DSC2: variants seen among roughly 807,000 people sequenced by gnomAD.
The protein encoded by DSC2 is desmocollin 2.
Under a neutral mutation model 87.6 loss-of-function variants are expected in DSC2, and 51 were observed. The observed-to-expected ratio is 0.58, with a 90% CI of 0.46 to 0.74. The LOEUF is 0.74. Ranked by LOEUF, DSC2 falls within the 30% of genes least tolerant of loss-of-function variation. The pLI is 0.00. For synonymous variants in DSC2, 383 were observed against 393.2 expected (o/e 0.97, Z 0.31); for missense variants, 1,066 against 1,089.5 (o/e 0.98, Z 0.30).
chr18:31,073,954 T>C (rs1470825563), intron 12 of DSC2, among the ~76,000 whole-genome samples: 1 of 152,208 alleles, frequency 6.6e-6, no homozygotes, highest in Non-Finnish European at 1.5e-5. Context: ...CTGTGGTGTA[T>C]ATCTGATCCC....
At chr18:31,080,406 T>C in intron 9 of DSC2, 54 bp from the exon 10 acceptor site, 1 of 1,593,726 alleles carries the variant, frequency 6.3e-7, no homozygotes, top group Non-Finnish European at 8.6e-7. Flanking sequence ...TATTTGGCAA[T>C]GCTAACGAGT....
chr18:31,082,943 TTGGCAAG>T lies in DSC2; in HGVS notation c.1053_1059del (p.His351GlnfsTer9), dbSNP rs1373100329. The T allele has an allele frequency of 6.2e-7, 1 of 1,613,520 alleles. No individual in the cohort carries two copies. Among genetic ancestry groups the T allele is most frequent in the Non-Finnish European group, 8.5e-7 (1 of 1,179,930 alleles). The stretch of plus-strand genomic sequence containing the variant: ...ACACTTACAGAAGTACGAGTAAATG[TTGGCAAG>T]TGGTCATTTACATCATCAATGTTAA... On this transcript the variant is annotated frameshift_variant, in exon 8 of 16. Coordinates refer to ENST00000280904, the MANE Select transcript of DSC2 (RefSeq NM_024422.6). LOFTEE classifies it high-confidence loss of function.
chr18:31,083,126 T>C, intron 7 of DSC2, 66 bp from the exon 8 acceptor site: 3 of 1,553,968 alleles, frequency 1.9e-6, no homozygotes, highest in Non-Finnish European at 2.6e-6. Flanking sequence ...AATCTTACTT[T>C]ACACTCCATA....
Position 31,074,682 on chromosome 18 carries a change from C to A in DSC2, c.1888+1G>T. On this transcript the variant is annotated splice_donor_variant, in intron 12 of 15. Transcript: ENST00000280904. LOFTEE classifies it high-confidence loss of function. ...ACAAAGCAATTTTCAAAAATATATACCATTAATTGCTTTCAGTCTCCACAT... is the reference window on the plus strand; with the variant it reads ...ACAAAGCAATTTTCAAAAATATATAACATTAATTGCTTTCAGTCTCCACAT... 2.5e-6 allele frequency: 4 copies of A among 1,613,128 alleles called. No homozygotes were observed. Among genetic ancestry groups the A allele is most frequent in the Non-Finnish European group, 3.4e-6 (4 of 1,179,582 alleles).
rs1986468067 is a variant in DSC2 at position 31,059,869 on chromosome 18, G to T, written c.*8146C>A. The stretch of plus-strand genomic sequence containing the variant: ...TATTCCATCATCATATCACAATAGT[G>T]ATAGCTGCTGGTTATTGATATACTG... On this transcript the variant is annotated 3_prime_UTR_variant, in exon 16 of 16. Coordinates refer to ENST00000280904, the MANE Select transcript of DSC2 (RefSeq NM_024422.6). 6.6e-6 allele frequency: 1 copy of T among 152,156 alleles called. No homozygotes were observed. The highest frequency in any genetic ancestry group is 2.1e-4 in the South Asian group (1 of 4,830). 9.4% of individuals were successfully genotyped at this position (152,156 alleles called of 1,614,324 possible).
At chr18:31,101,584 C>T (rs1987957664) in intron 1 of DSC2, 5 of 336,454 alleles carry the variant, frequency 1.5e-5, no homozygotes, top group Admixed American at 5.2e-5. Flanking sequence ...ACTCCCGCCC[C>T]GGCGCACCCT....
chr18:31,067,764 G>T lies in DSC2; in HGVS notation c.*251C>A. The T allele has an allele frequency of 2.3e-6, 1 of 441,908 alleles. No individual in the cohort carries two copies. The highest frequency in any genetic ancestry group is 4.1e-6 in the Non-Finnish European group (1 of 245,074). 27.4% of individuals were successfully genotyped at this position (441,908 alleles called of 1,614,324 possible). A position where few individuals can be genotyped will look rare whatever the true frequency, so the allele number is the denominator to read the frequency against. On this transcript the variant is annotated 3_prime_UTR_variant, in exon 16 of 16. Coordinates refer to ENST00000280904, the MANE Select transcript of DSC2 (RefSeq NM_024422.6). The stretch of plus-strand genomic sequence containing the variant: ...CATTATACCCAAATGTAACAAATAA[G>T]GCAGACTTTAATTTCTCTGTAGACC...
intron 1 of DSC2, among the ~76,000 whole-genome samples, chr18:31,099,348 G>T (rs1406335359): frequency 6.6e-6 from 1 of 152,144 alleles, no homozygotes; most frequent in Non-Finnish European, 1.5e-5. Context: ...CCAGGTGACG[G>T]AGGTTAGGGG....
In DSC2 at chr18:31,086,683, G is replaced by A. The variant is rs193922708; in HGVS notation, c.835C>T (p.Arg279Cys). ...TGCCCAATGATGGAGTACTTCAGGC[G>A]TGTGTGCATCGTGTCAGGCTCATCT... ...DKDEPDTMHTRLKYSIIGQVP... is the reference protein window; with the variant it reads ...DKDEPDTMHTCLKYSIIGQVP... Residue 279 changes from arginine (R) to cysteine (C), a missense_variant, in exon 7 of 16, where the codon CGC becomes TGC. Coordinates refer to ENST00000280904, the MANE Select transcript of DSC2 (RefSeq NM_024422.6). 1.9e-5 allele frequency: 31 copies of A among 1,614,148 alleles called. No individual in the cohort carries two copies. The highest frequency in any genetic ancestry group is 3.3e-5 in the South Asian group (3 of 91,084).
chr18:31,093,063 G>T (rs993544298), intron 2 of DSC2, among the ~76,000 whole-genome samples: 1 of 151,954 alleles, frequency 6.6e-6, no homozygotes, highest in Non-Finnish European at 1.5e-5. Flanking sequence ...TTTATCTACT[G>T]GTCCCAACAG....
intron 2 of DSC2, among the ~76,000 whole-genome samples, chr18:31,093,008 A>C (rs1987651432): frequency 6.6e-6 from 1 of 152,226 alleles, no homozygotes; most frequent in Non-Finnish European, 1.5e-5. Flanking sequence ...TCCTTTCATT[A>C]GAATGACACC....
intron 11 of DSC2, among the ~76,000 whole-genome samples, chr18:31,079,317 G>A (rs371771943): frequency 4.6e-5 from 7 of 152,056 alleles, no homozygotes; most frequent in African/African-American, 1.7e-4. Context: ...GCAGTGGCGC[G>A]ATCTTGGCTA....
chr18:31,099,721 T>G (rs1987874796), intron 1 of DSC2, among the ~76,000 whole-genome samples: 1 of 152,170 alleles, frequency 6.6e-6, no homozygotes. Context: ...TATTAGTGGT[T>G]AGCAGAAGAC....
intron 5 of DSC2, 38 bp downstream of exon 5, chr18:31,089,401 C>T (rs761274865): frequency 4.3e-6 from 7 of 1,611,760 alleles, no homozygotes; most frequent in Admixed American, 1.7e-5. Context: ...GGCCAAGCAT[C>T]ATCATTGCTA....
chr18:31,089,444 A>G lies in DSC2; in HGVS notation c.625T>C (p.Phe209Leu). 1.9e-6 allele frequency: 3 copies of G among 1,613,772 alleles called. No individual in the cohort carries two copies. The highest frequency in any genetic ancestry group is 2.5e-6 in the Non-Finnish European group (3 of 1,179,844). ...RPVDREQYESFEIIAFATTPD... is the reference protein window; with the variant it reads ...RPVDREQYESLEIIAFATTPD... ...ACACACATTTTAGACTTTACCTCAAAAGATTCATACTGCTCACGATCTACA... is the reference window on the plus strand; with the variant it reads ...ACACACATTTTAGACTTTACCTCAAGAGATTCATACTGCTCACGATCTACA... The change falls in exon 5 of 16, where the codon TTT becomes CTT. Residue 209 changes from phenylalanine to leucine, a missense_variant. By Grantham distance (22) the Phe-to-Leu change is conservative (BLOSUM62 0). Coordinates refer to ENST00000280904, the MANE Select transcript of DSC2 (RefSeq NM_024422.6).
Position 31,101,550 on chromosome 18 carries a change from C to G in DSC2, c.69+353G>C, listed in dbSNP as rs1987954910. 1.1e-5 allele frequency: 3 copies of G among 264,898 alleles called. No individual in the cohort carries two copies. In the East Asian group the frequency reaches 2.7e-4, roughly 24 times the overall value. 16.4% of individuals were successfully genotyped at this position (264,898 alleles called of 1,614,324 possible). Reference sequence around the variant, plus strand: ...CACTCCCGCCCCGGCGCACTCCCGCCCCGGCGCACTCCGACCCCGGCGCAC... The same window carrying G: ...CACTCCCGCCCCGGCGCACTCCCGCGCCGGCGCACTCCGACCCCGGCGCAC... On this transcript the variant is annotated intron_variant, in intron 1 of 15. Coordinates refer to ENST00000280904, the MANE Select transcript of DSC2 (RefSeq NM_024422.6).
rs1555640202 is a variant in DSC2 at position 31,092,287 on chromosome 18, C to G, written c.168G>C (p.Glu56Asp). 6.2e-7 allele frequency: 1 copy of G among 1,613,486 alleles called. No homozygotes were observed. The highest frequency in any genetic ancestry group is 1.3e-5 in the African/African-American group (1 of 75,004). Residue 56 changes from glutamate (E) to aspartate (D), a missense_variant, in exon 3 of 16, where the codon GAG (glutamate) becomes GAC (aspartate). Coordinates refer to ENST00000280904, the MANE Select transcript of DSC2 (RefSeq NM_024422.6). ...EKLVGRVNLK[E>D]CFTAANLIHS... ...GAATTAGATTTGCAGCTGTAAAGCA[C>G]TCTTTCAGGTTAACTGTAGAAAATA...
In DSC2 at chr18:31,069,074, G is replaced by T; in HGVS notation, c.2328C>A (p.Ile776=). Residue 776 remains isoleucine (I), a synonymous_variant, in exon 15 of 16, where the codon ATC becomes ATA. Coordinates refer to ENST00000280904, the MANE Select transcript of DSC2 (RefSeq NM_024422.6). ...CGATGGTCTCCTGACCTCCGTTTTT[G>T]ATTCCTGATCCCACGGTGCCACAAA... The part of the protein sequence containing the change: ...QGVCGTVGSG[I]KNGGQETIEM... The T allele has an allele frequency of 6.2e-7, 1 of 1,614,122 alleles. No homozygotes were observed. Among genetic ancestry groups the T allele is most frequent in the Non-Finnish European group, 8.5e-7 (1 of 1,180,018 alleles).
In DSC2 at chr18:31,062,474, T is replaced by C. The variant is rs888263882; in HGVS notation, c.*5541A>G. ...GACAGTCGCAAACATAATTTTCACA[T>C]TGGCTAAAAATTTTCAAGTTGAGAA... is the stretch of plus-strand genomic sequence containing the variant. On this transcript the variant is annotated 3_prime_UTR_variant, in exon 16 of 16. Transcript: ENST00000280904. 2.6e-5 allele frequency: 4 copies of C among 152,166 alleles called. No individual in the cohort carries two copies. Among genetic ancestry groups the C allele is most frequent in the Non-Finnish European group, 5.9e-5 (4 of 68,034 alleles). 9.4% of individuals were successfully genotyped at this position (152,166 alleles called of 1,614,324 possible).
Sources: allele counts gnomAD v4.1 joint callset (sites outside exome capture counted in the v4.1 genomes callset), GRCh38; gene constraint gnomAD v4.1.1; transcripts MANE v1.5; gene names NCBI Gene and HGNC (gene_info 2026-07-23, HGNC 2026-07-21).